DNAJC1: variants seen among roughly 807,000 people sequenced by gnomAD.
The protein encoded by DNAJC1 is DnaJ heat shock protein family (Hsp40) member C1.
A neutral mutation model predicts 76.6 loss-of-function variants in DNAJC1; 58 were observed. The observed-to-expected ratio is 0.76, with a 90% CI of 0.61 to 0.94. The LOEUF is 0.94. Among genes scored for constraint, DNAJC1 ranks in the 40% least tolerant of loss-of-function variants. DNAJC1 has a pLI of 0.00. For synonymous variants in DNAJC1, 258 were observed against 267.9 expected, an observed-to-expected ratio of 0.96 and a Z score of 0.36; for missense variants, 689 against 677.3, an observed-to-expected ratio of 1.02 and a Z score of -0.19.
At position 21,872,073 on chromosome 10, in the gene DNAJC1, CTTTTTTT is replaced by C. The variant is rs546290479; in HGVS notation, c.978+10202_978+10208del. On this transcript the variant is annotated intron_variant, in intron 8 of 11. Coordinates refer to ENST00000376980, the MANE Select transcript of DNAJC1 (RefSeq NM_022365.4). ...CTTTCTAGACAAAACGTTAAATCAT[CTTTTTTT>C]TTTTTTTTTTGGAGACGGAGTCTCA... is the stretch of plus-strand genomic sequence containing the variant. 3.0e-5 allele frequency among the ~76,000 whole-genome samples: 4 copies of C among 133,068 alleles called. No homozygotes were observed. In the East Asian group the frequency reaches 6.7e-4, roughly 22 times the overall value. 87.3% of individuals were successfully genotyped at this position (133,068 alleles called of 152,430 possible). A position where few individuals can be genotyped will look rare whatever the true frequency, so the allele number is the denominator to read the frequency against.
At chr10:21,874,581 A>G (rs1015445188) in intron 8 of DNAJC1, among the ~76,000 whole-genome samples, 2 of 152,260 alleles carry the variant, frequency 1.3e-5, no homozygotes, top group African/African-American at 4.8e-5. Flanking sequence ...TGTCCAGAAT[A>G]GACAAATCCA....
At chr10:21,781,607 G>C (rs1048861881) in intron 9 of DNAJC1, among the ~76,000 whole-genome samples, 18 of 151,128 alleles carry the variant, frequency 1.2e-4, no homozygotes, top group African/African-American at 3.9e-4. Context: ...TGTAGTCCCA[G>C]CTACTCAGGA....
intron 3 of DNAJC1, among the ~76,000 whole-genome samples, chr10:21,923,426 T>C (rs1226675566): frequency 6.6e-6 from 1 of 151,988 alleles, no homozygotes; most frequent in Non-Finnish European, 1.5e-5. Context: ...TGACAACACA[T>C]AAAATTTAAA....
chr10:21,916,468 G>A (rs1590047778), intron 6 of DNAJC1, among the ~76,000 whole-genome samples: 1 of 152,058 alleles, frequency 6.6e-6, no homozygotes, highest in Admixed American at 6.6e-5. Context: ...CAGCCTGGGC[G>A]ACAGAGCAAG....
At chr10:21,943,019 T>G (rs1037252892) in intron 1 of DNAJC1, among the ~76,000 whole-genome samples, 2 of 151,724 alleles carry the variant, frequency 1.3e-5, no homozygotes, top group Non-Finnish European at 2.9e-5. Flanking sequence ...CCTCAGCAAC[T>G]GACAAGTTAA....
chr10:21,963,332 C>T (rs1409618518), intron 1 of DNAJC1, among the ~76,000 whole-genome samples: 6 of 152,098 alleles, frequency 3.9e-5, no homozygotes, highest in Non-Finnish European at 4.4e-5. Context: ...GTAACACCTA[C>T]TTGAGATAAC....
At chr10:21,914,994 A>G (rs999919249) in intron 6 of DNAJC1, among the ~76,000 whole-genome samples, 18 of 152,218 alleles carry the variant, frequency 1.2e-4, no homozygotes, top group Non-Finnish European at 2.2e-4. Flanking sequence ...TTCATGTGTT[A>G]TAACTGCTAC....
chr10:21,859,826 C>T (rs1258954441), intron 8 of DNAJC1, among the ~76,000 whole-genome samples: 2 of 151,990 alleles, frequency 1.3e-5, no homozygotes, highest in African/African-American at 4.8e-5. Context: ...CTTTGTCACC[C>T]AGGCTGGAGT....
intron 10 of DNAJC1, 141 bp from the exon 11 acceptor site, chr10:21,759,759 A>T: frequency 1.4e-6 from 1 of 711,710 alleles, no homozygotes; most frequent in South Asian, 1.9e-5. Flanking sequence ...ACACTACTCT[A>T]TTCTAGAAAG....
chr10:21,761,396 C>T (rs1038843902), intron 10 of DNAJC1, among the ~76,000 whole-genome samples: 1 of 151,776 alleles, frequency 6.6e-6, no homozygotes, highest in East Asian at 1.9e-4. Context: ...CCTGTCTCTA[C>T]AAAAATGCAA....
intron 9 of DNAJC1, among the ~76,000 whole-genome samples, chr10:21,793,278 C>T (rs904887764): frequency 2.6e-5 from 4 of 152,194 alleles, no homozygotes; most frequent in African/African-American, 9.7e-5. Context: ...TGCTCTCCAG[C>T]CTGGGCAACT....
intron 6 of DNAJC1, among the ~76,000 whole-genome samples, chr10:21,916,597 G>A (rs1157079952): frequency 1.3e-5 from 2 of 152,124 alleles, no homozygotes; most frequent in Non-Finnish European, 2.9e-5. Context: ...TTTATTCTTA[G>A]AGCCTTAACA....
intron 9 of DNAJC1, among the ~76,000 whole-genome samples, chr10:21,798,135 G>A (rs1292461093): frequency 1.3e-5 from 2 of 152,174 alleles, no homozygotes; most frequent in Admixed American, 6.5e-5. Flanking sequence ...AAGGTTACAA[G>A]TATACATTGC....
chr10:21,780,016 G>A (rs1202964789), intron 9 of DNAJC1, among the ~76,000 whole-genome samples: 1 of 152,132 alleles, frequency 6.6e-6, no homozygotes, highest in Non-Finnish European at 1.5e-5. Context: ...TCAAATGAAC[G>A]AAATGAAGTG....
chr10:21,941,451 G>A (rs1461881304), intron 1 of DNAJC1, among the ~76,000 whole-genome samples: 1 of 151,956 alleles, frequency 6.6e-6, no homozygotes, highest in African/African-American at 2.4e-5. Flanking sequence ...TGGGATAATA[G>A]TATCCTGGGT....
intron 7 of DNAJC1, among the ~76,000 whole-genome samples, chr10:21,885,536 C>T (rs1280256380): frequency 1.3e-5 from 2 of 152,184 alleles, no homozygotes; most frequent in South Asian, 2.1e-4. Flanking sequence ...ACAGAATATA[C>T]ATTCTTCTCC....
Position 21,766,294 on chromosome 10 carries a change from T to C in DNAJC1, c.1114A>G (p.Lys372Glu). The C allele has an allele frequency of 6.2e-7, 1 of 1,613,924 alleles. No homozygotes were observed. The highest frequency in any genetic ancestry group is 8.5e-7 in the Non-Finnish European group (1 of 1,179,792). ...RSVTDVTTKA[K>E]QLKDSVTCSP... ...CAGGTCACTGAATCCTTCAGTTGCT[T>C]GGCTTTGGTTGTCACCTGTTTCAAA... Residue 372 changes from lysine (K) to glutamate (E), a missense_variant, in exon 10 of 12, where the codon AAG becomes GAG. Transcript: ENST00000376980.
chr10:21,774,001 C>T (rs1287223550), intron 9 of DNAJC1, among the ~76,000 whole-genome samples: 2 of 150,372 alleles, frequency 1.3e-5, no homozygotes, highest in East Asian at 1.9e-4. Context: ...ATTAGCCGGG[C>T]GTAGTGGCGG....
rs530272054 is a variant in DNAJC1, at chr10:21,779,737, T to A, written c.1099-13428A>T. Among the ~76,000 whole-genome samples, 4 of 152,308 alleles carry A rather than the reference T, an allele frequency of 2.6e-5. No homozygotes were observed. In the South Asian group the frequency reaches 8.3e-4, roughly 32 times the overall value. On this transcript the variant is annotated intron_variant, in intron 9 of 11. Coordinates refer to ENST00000376980, the MANE Select transcript of DNAJC1 (RefSeq NM_022365.4). ...CTCCTTGCCAGCAATGGAACAAAGC[T>A]GGATGGAGAATGACTTTGATGAGTT... is the stretch of plus-strand genomic sequence containing the variant.
Sources: allele counts gnomAD v4.1 joint callset (sites outside exome capture counted in the v4.1 genomes callset), GRCh38; gene constraint gnomAD v4.1.1; transcripts MANE v1.5; gene names NCBI Gene and HGNC (gene_info 2026-07-23, HGNC 2026-07-21).